CEP112: variants seen among roughly 807,000 people sequenced by gnomAD.
The protein encoded by CEP112 is centrosomal protein 112, also known as centrosomal protein of 112 kDa.
CEP112 carries 127 observed loss-of-function variants against 153.0 expected under a neutral mutation model. That is an observed-to-expected ratio of 0.83 (90% confidence interval 0.72 to 0.96). The LOEUF is 0.96. Among genes scored for constraint, CEP112 ranks in the 40% least tolerant of loss-of-function variants. The pLI is 0.00. For synonymous variants in CEP112, 358 were observed against 374.4 expected, an observed-to-expected ratio of 0.96 and a Z score of 0.51; for missense variants, 1,089 against 1,101.2, an observed-to-expected ratio of 0.99 and a Z score of 0.16.
chr17:65,671,859 A>G (rs2047002250), intron 24 of CEP112, among the ~76,000 whole-genome samples: 1 of 152,190 alleles, frequency 6.6e-6, no homozygotes, highest in South Asian at 2.1e-4. Context: ...TTTCAGTGAA[A>G]CTTAGGAATT....
intron 4 of CEP112, among the ~76,000 whole-genome samples, chr17:66,164,093 T>C (rs2071828230): frequency 6.6e-6 from 1 of 152,234 alleles, no homozygotes; most frequent in Non-Finnish European, 1.5e-5. Context: ...AATTAGCACA[T>C]TAATGTTGAA....
At chr17:66,109,215 G>T (rs55800041) in intron 6 of CEP112, among the ~76,000 whole-genome samples, 24,273 of 152,046 alleles carry the variant, frequency 0.16, 2,641 homozygotes, top group African/African-American at 0.31. Flanking sequence ...GCACAATAGG[G>T]TGATACAGTC....
intron 23 of CEP112, among the ~76,000 whole-genome samples, chr17:65,690,425 CAAAAAAAAAAAA>C: frequency 1.3e-5 from 1 of 76,684 alleles, no homozygotes; most frequent in Admixed American, 1.8e-4. Flanking sequence ...GACCCTGTCT[CAAAAAAAAAAAA>C]AAAAAAAAAA....
chr17:65,997,336 A>C (rs1004492639), intron 17 of CEP112, among the ~76,000 whole-genome samples: 1 of 152,180 alleles, frequency 6.6e-6, no homozygotes, highest in African/African-American at 2.4e-5. Context: ...TCTAGGCGAG[A>C]AAAACTCTCA....
At chr17:65,885,761 C>T (rs1243712038) in intron 20 of CEP112, among the ~76,000 whole-genome samples, 1 of 152,180 alleles carries the variant, frequency 6.6e-6, no homozygotes, top group African/African-American at 2.4e-5. Flanking sequence ...ACTAGCCTGT[C>T]CTGCAGTGAC....
At chr17:66,165,364 G>A (rs1385787916) in intron 4 of CEP112, among the ~76,000 whole-genome samples, 5 of 152,186 alleles carry the variant, frequency 3.3e-5, no homozygotes, top group Admixed American at 2.6e-4. Context: ...ATTGGACAGT[G>A]CCGCCTATAG....
At chr17:65,978,763 C>T (rs1373708507) in intron 17 of CEP112, among the ~76,000 whole-genome samples, 1 of 152,158 alleles carries the variant, frequency 6.6e-6, no homozygotes, top group Non-Finnish European at 1.5e-5. Flanking sequence ...CTAAGGAAAG[C>T]ATCCAAGAAA....
At chr17:66,071,836 G>A (rs1228409589) in intron 8 of CEP112, among the ~76,000 whole-genome samples, 1 of 152,116 alleles carries the variant, frequency 6.6e-6, no homozygotes, top group South Asian at 2.1e-4. Context: ...TCTGAAATAC[G>A]AGGGAAGCAA....
intron 21 of CEP112, among the ~76,000 whole-genome samples, chr17:65,782,271 A>G (rs2054039468): frequency 6.6e-6 from 1 of 152,202 alleles, no homozygotes; most frequent in Non-Finnish European, 1.5e-5. Flanking sequence ...AATCAGAGAA[A>G]TCCACATCAA....
intron 12 of CEP112, among the ~76,000 whole-genome samples, chr17:66,049,749 C>CA (rs1449272224): frequency 6.6e-6 from 1 of 151,548 alleles, no homozygotes; most frequent in Non-Finnish European, 1.5e-5. Context: ...AACTTCATCT[C>CA]AAAAAAGTAA....
intron 11 of CEP112, among the ~76,000 whole-genome samples, chr17:66,061,569 T>TATAC (rs1555786809): frequency 6.8e-6 from 1 of 146,162 alleles, no homozygotes; most frequent in South Asian, 2.2e-4. Context: ...ATGTGATAGA[T>TATAC]ACACACACAC....
At chr17:65,760,601 T>C (rs1225718921) in intron 21 of CEP112, among the ~76,000 whole-genome samples, 1 of 152,162 alleles carries the variant, frequency 6.6e-6, no homozygotes, top group East Asian at 1.9e-4. Context: ...TACATTCCAC[T>C]TGGCTCTGGT....
chr17:65,655,174 C>T, intron 24 of CEP112: 1 of 759,706 alleles, frequency 1.3e-6, no homozygotes, highest in Non-Finnish European at 2.5e-6. Flanking sequence ...AGGCAGAAAT[C>T]TAATATTGAC....
At chr17:66,000,737 C>T (rs1489296058) in intron 17 of CEP112, among the ~76,000 whole-genome samples, 1 of 152,160 alleles carries the variant, frequency 6.6e-6, no homozygotes, top group Non-Finnish European at 1.5e-5. Flanking sequence ...AACAGCATGT[C>T]TGGCTGAGAG....
chr17:65,940,322 A>G (rs1422295794), intron 18 of CEP112, among the ~76,000 whole-genome samples: 1 of 152,198 alleles, frequency 6.6e-6, no homozygotes, highest in African/African-American at 2.4e-5. Context: ...CAGAAAATGT[A>G]TAGAATTTCC....
At chr17:65,962,712 AT>A (rs1273071854) in intron 17 of CEP112, among the ~76,000 whole-genome samples, 2 of 137,072 alleles carry the variant, frequency 1.5e-5, no homozygotes, top group Admixed American at 1.6e-4. Context: ...GGTCTTTCCC[AT>A]GCTGTTCTCA....
chr17:65,982,852 A>G (rs2063277083), intron 17 of CEP112, among the ~76,000 whole-genome samples: 1 of 152,244 alleles, frequency 6.6e-6, no homozygotes, highest in African/African-American at 2.4e-5. Flanking sequence ...ACTATGGTAT[A>G]TACACACAAT....
intron 21 of CEP112, among the ~76,000 whole-genome samples, chr17:65,821,979 T>G (rs2056611760): frequency 6.6e-6 from 1 of 152,070 alleles, no homozygotes; most frequent in African/African-American, 2.4e-5. Flanking sequence ...TATATTTTGG[T>G]CTGATATTGA....
chr17:66,179,157 A>G (rs1416265396), intron 2 of CEP112, among the ~76,000 whole-genome samples: 1 of 152,122 alleles, frequency 6.6e-6, no homozygotes, highest in African/African-American at 2.4e-5. Flanking sequence ...TTTGCTCAGG[A>G]TAACTTTGGC....
Sources: gnomAD v4.1 joint callset for allele counts (sites outside exome capture counted in the v4.1 genomes callset) on GRCh38, gnomAD v4.1.1 for gene constraint, MANE v1.5 for transcripts, NCBI Gene and HGNC (gene_info 2026-07-23, HGNC 2026-07-21) for gene names.